Variants in DMD observed in about 807,000 individuals in gnomAD.
DMD encodes the protein dystrophin.
In DMD, 63 loss-of-function variants were observed where a neutral mutation model predicts 330.1. That is an observed-to-expected ratio of 0.19 (90% CI 0.16 to 0.24). DMD has a LOEUF of 0.24. Ranked by LOEUF, DMD falls within the 10% of genes least tolerant of loss-of-function variation. The pLI is 1.00. For missense variants in DMD, 3,344 were observed against 2,684.1 expected (o/e 1.25, Z -5.43); for synonymous variants, 1,223 against 959.8 (o/e 1.27, Z -5.07).
chrX:32,123,393 C>T (rs1410259366), intron 44 of DMD, among the ~76,000 whole-genome samples: 1 of 106,027 alleles, frequency 9.4e-6, no homozygotes. Context: ...ATTTCTGTTT[C>T]AGTAGGTCTG....
At position 32,365,103 on chromosome X, in the gene DMD, A is replaced by T; in HGVS notation, c.4942T>A (p.Leu1648Met). Residue 1648 changes from leucine (L) to methionine (M), a missense_variant, in exon 35 of 79, where the codon TTG becomes ATG. Transcript: ENST00000357033. ...LKTVLGKKET[L>M]VEDKLSLLNS... ...AGAAGACTGAGTTTATCTTCCACCAACGTCTCCTTCTTGCCCAAAACTGTT... is the reference window on the plus strand; with the variant it reads ...AGAAGACTGAGTTTATCTTCCACCATCGTCTCCTTCTTGCCCAAAACTGTT... 1 of 1,210,335 alleles carries T rather than the reference A, an allele frequency of 8.3e-7. No individual in the cohort carries two copies. The highest frequency in any genetic ancestry group is 1.1e-6 in the Non-Finnish European group (1 of 894,912).
At chrX:32,926,650 G>T (rs773317836) in intron 2 of DMD, among the ~76,000 whole-genome samples, 1 of 108,333 alleles carries the variant, frequency 9.2e-6, no homozygotes, top group South Asian at 4.2e-4. Context: ...TACTCAGGAG[G>T]CTGAGGCAGG....
intron 1 of DMD, among the ~76,000 whole-genome samples, chrX:33,037,713 A>T (rs2147900570): frequency 1.8e-5 from 2 of 112,176 alleles, no homozygotes; most frequent in African/African-American, 6.5e-5. Flanking sequence ...TGTGTCTGTG[A>T]TGGAAACTGG....
At chrX:32,100,314 C>A (rs2096533467) in intron 44 of DMD, among the ~76,000 whole-genome samples, 1 of 107,889 alleles carries the variant, frequency 9.3e-6, no homozygotes, top group African/African-American at 3.4e-5. Context: ...AGATAGCCTA[C>A]TTTTTTCTCA....
chrX:32,780,482 T>C (rs1443242881), intron 7 of DMD, among the ~76,000 whole-genome samples: 1 of 112,240 alleles, frequency 8.9e-6, no homozygotes, highest in Non-Finnish European at 1.9e-5. Flanking sequence ...GTATATGTTT[T>C]AGCATAGTTA....
chrX:32,201,467 A>T, intron 44 of DMD, among the ~76,000 whole-genome samples: 1 of 56,905 alleles, frequency 1.8e-5, no homozygotes, highest in South Asian at 9.0e-4. Context: ...GCAAATTCAA[A>T]CACCCCCCCC....
intron 44 of DMD, among the ~76,000 whole-genome samples, chrX:32,004,391 T>A (rs12012991): frequency 0.067 from 7,475 of 111,599 alleles, 228 homozygotes; most frequent in African/African-American, 0.12. Flanking sequence ...AATAACAGTA[T>A]GTCTTTTAAT....
intron 43 of DMD, among the ~76,000 whole-genome samples, chrX:32,243,373 C>T (rs761471024): frequency 1.8e-4 from 20 of 111,621 alleles, no homozygotes; most frequent in Non-Finnish European, 3.0e-4. Context: ...ACAAACTCTC[C>T]TGTGATATTT....
chrX:32,123,202 CATATATATATATATATATATATATAT>C lies in DMD; in HGVS notation c.6438+93688_6438+93713del, dbSNP rs59017074. 3.7e-4 allele frequency among the ~76,000 whole-genome samples: 12 copies of C among 32,576 alleles called. 1 individual carries two copies. Among genetic ancestry groups the C allele is most frequent in the East Asian group, 3.0e-3 (2 of 662 alleles). 28.3% of individuals were successfully genotyped at this position (32,576 alleles called of 115,157 possible). ...TAAGGTGAATGGTTTTGTGAGCATG[CATATATATATATATATATATATATAT>C]ATATATATATATATAAATGATCAAA... On this transcript the variant is annotated intron_variant, in intron 44 of 78. Transcript: ENST00000357033.
chrX:32,720,108 C>A (rs1312697763), intron 7 of DMD, among the ~76,000 whole-genome samples: 1 of 111,508 alleles, frequency 9.0e-6, no homozygotes, highest in Non-Finnish European at 1.9e-5. Context: ...CTGTTTCTAT[C>A]TGACAGAGCC....
chrX:31,462,709 A>C (rs1267068177), intron 59 of DMD, among the ~76,000 whole-genome samples: 1 of 111,772 alleles, frequency 8.9e-6, no homozygotes, highest in Non-Finnish European at 1.9e-5. Context: ...ATGGAACCTG[A>C]CTTAAAATGC....
rs1299733155 is a variant in DMD, at chrX:32,350,675, A to G, written c.5326-2147T>C. Among the ~76,000 whole-genome samples, 22 of 111,056 alleles carry G rather than the reference A, an allele frequency of 2.0e-4. No homozygotes were observed. The Admixed American group carries it at 2.1e-3, about 11-fold the overall frequency. ...CAGTTCCAGCCTGTGCCCAATGATC[A>G]GCTTACTATGTTTCAAAAACCTTTC... is the stretch of plus-strand genomic sequence containing the variant. On this transcript the variant is annotated intron_variant, in intron 37 of 78. Coordinates refer to ENST00000357033, the MANE Select transcript of DMD (RefSeq NM_004006.3).
intron 2 of DMD, among the ~76,000 whole-genome samples, chrX:32,908,762 C>A (rs1265453190): frequency 1.8e-5 from 2 of 111,412 alleles, no homozygotes; most frequent in Non-Finnish European, 3.8e-5. Flanking sequence ...GGCTCAAATA[C>A]CAAAAAGGAT....
intron 54 of DMD, 51 bp downstream of exon 54, chrX:31,657,939 C>T (rs759614204): frequency 8.6e-7 from 1 of 1,159,250 alleles, no homozygotes. Context: ...TCCAGTTTCA[C>T]CACCCCATTA....
At chrX:32,407,741 A>C (rs1396658705) in intron 30 of DMD, among the ~76,000 whole-genome samples, 1 of 110,413 alleles carries the variant, frequency 9.1e-6, no homozygotes, top group African/African-American at 3.3e-5. Context: ...TCACAATGAT[A>C]CAATGGATTT....
At chrX:33,110,933 T>C (rs1603296457) in intron 1 of DMD, among the ~76,000 whole-genome samples, 2 of 111,330 alleles carry the variant, frequency 1.8e-5, no homozygotes, top group African/African-American at 6.5e-5. Context: ...AAAAAACATT[T>C]TAATTAAAAT....
chrX:32,940,825 G>C (rs762710142), intron 2 of DMD, among the ~76,000 whole-genome samples: 7 of 111,720 alleles, frequency 6.3e-5, no homozygotes, highest in Non-Finnish European at 1.3e-4. Context: ...AAACTAAAAA[G>C]CTTCTGCACA....
chrX:31,835,572 G>A (rs1408181889), intron 49 of DMD, among the ~76,000 whole-genome samples: 3 of 111,691 alleles, frequency 2.7e-5, no homozygotes, highest in African/African-American at 6.5e-5. Flanking sequence ...CTGAATAAAA[G>A]TATGTTGATA....
At chrX:32,620,535 T>A (rs1450195119) in intron 11 of DMD, among the ~76,000 whole-genome samples, 1 of 112,541 alleles carries the variant, frequency 8.9e-6, no homozygotes, top group Non-Finnish European at 1.9e-5. Context: ...CTTTCATTTA[T>A]CAAACACAAA....
Sources: gnomAD v4.1 joint callset for allele counts (sites outside exome capture counted in the v4.1 genomes callset) on GRCh38, gnomAD v4.1.1 for gene constraint, MANE v1.5 for transcripts, NCBI Gene and HGNC (gene_info 2026-07-23, HGNC 2026-07-21) for gene names.